Variants in CPQ observed in about 807,000 individuals in gnomAD.
CPQ encodes the protein Ser-Met dipeptidase.
In CPQ, 37 loss-of-function variants were observed where a neutral mutation model predicts 45.7. The ratio of observed to expected loss-of-function variants is 0.81; its 90% CI spans 0.62 to 1.07. CPQ has a LOEUF of 1.07. CPQ is among the 50% of genes least tolerant of loss of function. The pLI is 0.00. For synonymous variants in CPQ, 186 were observed against 205.8 expected (o/e 0.90, Z 0.82); for missense variants, 537 against 572.9 (o/e 0.94, Z 0.64).
At chr8:96,867,741 ACT>A (rs1812013858) in intron 3 of CPQ, among the ~76,000 whole-genome samples, 1 of 152,022 alleles carries the variant, frequency 6.6e-6, no homozygotes, top group African/African-American at 2.4e-5. Flanking sequence ...TGTTTTAATC[ACT>A]TTCTTGTGGC....
chr8:96,821,151 T>G (rs1811301889), intron 2 of CPQ, among the ~76,000 whole-genome samples: 1 of 82,890 alleles, frequency 1.2e-5, no homozygotes, highest in Non-Finnish European at 2.5e-5. Context: ...TTTTTTTTTT[T>G]GCTATTGAGT....
rs142245499 is a variant in CPQ at position 96,916,979 on chromosome 8, G to A, written c.849+36974G>A. Among the ~76,000 whole-genome samples, 60 of 152,180 alleles carry A rather than the reference G, an allele frequency of 3.9e-4. No individual in the cohort carries two copies. The East Asian group carries it at 0.011, about 27-fold the overall frequency. On this transcript the variant is annotated intron_variant, in intron 4 of 7. Coordinates refer to ENST00000220763, the MANE Select transcript of CPQ (RefSeq NM_016134.4). ...TATCAAAATGCTTATTGCTGTTGATGGTAACTTTGATCACCTGGCTGAGGT... is the reference window on the plus strand; with the variant it reads ...TATCAAAATGCTTATTGCTGTTGATAGTAACTTTGATCACCTGGCTGAGGT...
intron 1 of CPQ, among the ~76,000 whole-genome samples, chr8:96,709,331 A>G (rs574356140): frequency 6.6e-6 from 1 of 152,198 alleles, no homozygotes; most frequent in East Asian, 1.9e-4. Flanking sequence ...TCCCACTTAT[A>G]AGTGAGATCA....
At chr8:96,934,686 C>T (rs965309824) in intron 4 of CPQ, among the ~76,000 whole-genome samples, 4 of 152,184 alleles carry the variant, frequency 2.6e-5, no homozygotes, top group African/African-American at 9.6e-5. Flanking sequence ...ACTCCCACCC[C>T]ACTTTGCAAG....
At chr8:96,926,625 C>CTTCTTCTTCTTCCT (rs59043894) in intron 4 of CPQ, among the ~76,000 whole-genome samples, 91 of 58,420 alleles carry the variant, frequency 1.6e-3, no homozygotes, top group African/African-American at 5.0e-3. Context: ...TTCTTCTTCT[C>CTTCTTCTTCTTCCT]CTCCTTCTCC....
chr8:96,701,769 G>A (rs539763692), intron 1 of CPQ, among the ~76,000 whole-genome samples: 93 of 152,230 alleles, frequency 6.1e-4, no homozygotes, highest in East Asian at 5.8e-4. Flanking sequence ...GGGGATTTTC[G>A]GGTTGCCAGC....
At chr8:97,094,400 GA>G (rs1427948047) in intron 7 of CPQ, among the ~76,000 whole-genome samples, 1 of 152,074 alleles carries the variant, frequency 6.6e-6, no homozygotes, top group Non-Finnish European at 1.5e-5. Context: ...TTTTCCCTCT[GA>G]GATCTGGACA....
chr8:96,671,992 A>G (rs1263609453), intron 1 of CPQ, among the ~76,000 whole-genome samples: 2 of 152,162 alleles, frequency 1.3e-5, no homozygotes, highest in African/African-American at 4.8e-5. Flanking sequence ...TTAGAGGATT[A>G]TTAGAGATTT....
chr8:97,020,974 T>C (rs1421955675), intron 5 of CPQ, among the ~76,000 whole-genome samples: 1 of 152,058 alleles, frequency 6.6e-6, no homozygotes, highest in Non-Finnish European at 1.5e-5. Context: ...AAATCCTTAA[T>C]AAAATACTAG....
At chr8:96,927,846 T>C (rs572642435) in intron 4 of CPQ, among the ~76,000 whole-genome samples, 9 of 152,352 alleles carry the variant, frequency 5.9e-5, no homozygotes, top group African/African-American at 2.2e-4. Flanking sequence ...TCCTTCTTTC[T>C]TTCTAATACA....
At chr8:96,988,965 A>C (rs905603629) in intron 5 of CPQ, among the ~76,000 whole-genome samples, 3 of 152,246 alleles carry the variant, frequency 2.0e-5, no homozygotes, top group Non-Finnish European at 4.4e-5. Flanking sequence ...CTTGTTGTAT[A>C]TTAAAGCCAG....
intron 2 of CPQ, among the ~76,000 whole-genome samples, chr8:96,793,397 A>C (rs1344717930): frequency 6.6e-6 from 1 of 152,040 alleles, no homozygotes; most frequent in African/African-American, 2.4e-5. Flanking sequence ...GAGCTTGTGC[A>C]GGGAACTCCC....
chr8:97,085,014 T>G (rs934749112), intron 7 of CPQ, among the ~76,000 whole-genome samples: 2 of 152,136 alleles, frequency 1.3e-5, no homozygotes, highest in South Asian at 2.1e-4. Flanking sequence ...TAAACACTAT[T>G]TAGTTCTGAT....
At chr8:97,032,920 A>G (rs1809933809) in intron 6 of CPQ, among the ~76,000 whole-genome samples, 1 of 152,232 alleles carries the variant, frequency 6.6e-6, no homozygotes, top group Non-Finnish European at 1.5e-5. Context: ...AAAGTGCCAA[A>G]TGGTGTAAAG....
chr8:97,006,070 C>G (rs1809376149), intron 5 of CPQ, among the ~76,000 whole-genome samples: 1 of 152,178 alleles, frequency 6.6e-6, no homozygotes, highest in Non-Finnish European at 1.5e-5. Flanking sequence ...GCAGACAGTG[C>G]TGCTAACAGA....
At chr8:96,884,826 T>G (rs562124394) in intron 4 of CPQ, among the ~76,000 whole-genome samples, 2 of 152,324 alleles carry the variant, frequency 1.3e-5, no homozygotes, top group South Asian at 4.1e-4. Flanking sequence ...TTAGGTTGAC[T>G]AACTTCTGCC....
intron 3 of CPQ, among the ~76,000 whole-genome samples, chr8:96,848,675 A>G (rs757183802): frequency 2.6e-5 from 4 of 152,230 alleles, no homozygotes; most frequent in Admixed American, 6.5e-5. Flanking sequence ...TAGTATCATT[A>G]TACAATTTTA....
chr8:96,661,877 G>A (rs1189290226), intron 1 of CPQ, among the ~76,000 whole-genome samples: 1 of 152,208 alleles, frequency 6.6e-6, no homozygotes, highest in East Asian at 1.9e-4. Flanking sequence ...ATTTTCCAAA[G>A]TGGGTGCACC....
intron 6 of CPQ, among the ~76,000 whole-genome samples, chr8:97,050,882 C>T (rs1810349181): frequency 6.6e-6 from 1 of 152,258 alleles, no homozygotes; most frequent in South Asian, 2.1e-4. Context: ...TTGGTAATAA[C>T]AATGCCTCGA....
Sources: allele counts gnomAD v4.1 joint callset (sites outside exome capture counted in the v4.1 genomes callset), GRCh38; gene constraint gnomAD v4.1.1; transcripts MANE v1.5; gene names NCBI Gene and HGNC (gene_info 2026-07-23, HGNC 2026-07-21).